PARVA: variants seen among roughly 807,000 people sequenced by gnomAD.
The protein encoded by PARVA is parvin alpha, also known as alpha-parvin.
PARVA carries 25 observed loss-of-function variants against 52.6 expected under a neutral mutation model. That is an observed-to-expected ratio of 0.48 (90% CI 0.35 to 0.66). The LOEUF (loss-of-function observed/expected upper bound fraction) is 0.66, where lower values mean the gene tolerates loss of function less well. PARVA is among the 30% of genes least tolerant of loss of function. The probability of loss-of-function intolerance (pLI) is 0.01; values close to 1 mark genes in which losing one functional copy is unlikely to be tolerated. For synonymous variants in PARVA, 185 were observed against 179.1 expected (o/e 1.03, Z -0.26); for missense variants, 373 against 450.9 (o/e 0.83, Z 1.56).
At chr11:12,502,024 T>C (rs1941369224) in intron 5 of PARVA, among the ~76,000 whole-genome samples, 1 of 152,188 alleles carries the variant, frequency 6.6e-6, no homozygotes, top group Non-Finnish European at 1.5e-5. Context: ...AACCTGGATT[T>C]GCCTCTGATG....
chr11:12,427,168 ATATAAT>A (rs1024556378), intron 1 of PARVA, among the ~76,000 whole-genome samples: 2 of 152,228 alleles, frequency 1.3e-5, no homozygotes, highest in Admixed American at 6.5e-5. Context: ...GAGAAAGGAA[ATATAAT>A]TATTATAAAA....
rs2135009844 is a variant in PARVA at position 12,446,709 on chromosome 11, C to T, written c.137-27036C>T. On this transcript the variant is annotated intron_variant, in intron 1 of 12. Transcript: ENST00000334956. ...ACAATAATATAGCAGTAATGATTGT[C>T]ATCATGTGAAAGCTAGCCTTGTCCA... Among the ~76,000 whole-genome samples the T allele has an allele frequency of 1.3e-5, 2 of 152,288 alleles. 1 individual carries two copies. The highest frequency in any genetic ancestry group is 4.1e-4 in the South Asian group (2 of 4,824).
intron 3 of PARVA, among the ~76,000 whole-genome samples, chr11:12,475,923 A>C (rs1349197266): frequency 6.6e-6 from 1 of 152,148 alleles, no homozygotes; most frequent in Non-Finnish European, 1.5e-5. Flanking sequence ...CAGGAAGAAG[A>C]TGGAACAGTT....
At chr11:12,414,460 T>C (rs1396730751) in intron 1 of PARVA, among the ~76,000 whole-genome samples, 2 of 152,244 alleles carry the variant, frequency 1.3e-5, no homozygotes, top group Non-Finnish European at 2.9e-5. Flanking sequence ...CTTTCATCTT[T>C]CAGCGCTGCT....
intron 1 of PARVA, among the ~76,000 whole-genome samples, chr11:12,465,878 A>G (rs1289457312): frequency 6.6e-6 from 1 of 152,226 alleles, no homozygotes; most frequent in Admixed American, 6.5e-5. Flanking sequence ...AATACCTAGG[A>G]GCTTGACTGC....
chr11:12,480,711 C>G (rs1332240758), intron 4 of PARVA: 1 of 149,436 alleles, frequency 6.7e-6, no homozygotes, highest in Non-Finnish European at 1.5e-5. Flanking sequence ...CTTTTGTGAA[C>G]TTAAGTTTAG....
rs192631977 is a variant in PARVA, at chr11:12,394,727, G to C, written c.136+16944G>C. Among the ~76,000 whole-genome samples the C allele has an allele frequency of 5.3e-3, 810 of 152,228 alleles. 9 individuals are homozygous for C. The highest frequency in any genetic ancestry group is 0.014 in the Middle Eastern group (4 of 294). ...TGTATACACAAGAGATTGGTCCCAG[G>C]ACCCCTGTGTATACCCAGATCCGAG... On this transcript the variant is annotated intron_variant, in intron 1 of 12. Coordinates refer to ENST00000334956, the MANE Select transcript of PARVA (RefSeq NM_018222.5).
At chr11:12,433,864 C>T (rs1386781693) in intron 1 of PARVA, among the ~76,000 whole-genome samples, 2 of 152,180 alleles carry the variant, frequency 1.3e-5, no homozygotes, top group Non-Finnish European at 2.9e-5. Context: ...GTTGCAAGTA[C>T]CGTGCCTCCT....
chr11:12,378,302 G>A (rs1356810379), intron 1 of PARVA, among the ~76,000 whole-genome samples: 4 of 152,208 alleles, frequency 2.6e-5, no homozygotes, highest in Admixed American at 2.6e-4. Context: ...CGGCGTCGTG[G>A]CTTTGGCCTC....
intron 1 of PARVA, among the ~76,000 whole-genome samples, chr11:12,443,362 G>T (rs1192074246): frequency 6.6e-6 from 1 of 150,412 alleles, no homozygotes; most frequent in Admixed American, 6.6e-5. Flanking sequence ...AGTAGAGACG[G>T]GGTTTCACCA....
chr11:12,513,005 A>G, intron 8 of PARVA: 1 of 554,972 alleles, frequency 1.8e-6, no homozygotes, highest in Admixed American at 2.5e-5. Context: ...ATAATGGAAT[A>G]CAATGAAGGG....
intron 1 of PARVA, among the ~76,000 whole-genome samples, chr11:12,385,231 A>G (rs541519542): frequency 5.9e-5 from 9 of 152,172 alleles, no homozygotes; most frequent in Non-Finnish European, 1.2e-4. Context: ...CAGGAGGCTG[A>G]CATGGAAGGA....
At position 12,529,492 on chromosome 11, in the gene PARVA, G is replaced by A. The variant is rs1301123013; in HGVS notation, c.*1567G>A. On this transcript the variant is annotated 3_prime_UTR_variant, in exon 13 of 13. Transcript: ENST00000334956. Reference sequence around the variant, plus strand: ...TGTGCTGATATTACATCTCGTTATGGAATGTTCCTAAATATGCCAGGTAGA... The same window carrying A: ...TGTGCTGATATTACATCTCGTTATGAAATGTTCCTAAATATGCCAGGTAGA... The A allele has an allele frequency of 1.3e-5, 2 of 152,120 alleles. No individual in the cohort carries two copies. The highest frequency in any genetic ancestry group is 2.9e-5 in the Non-Finnish European group (2 of 68,034). 9.4% of individuals were successfully genotyped at this position (152,120 alleles called of 1,614,324 possible).
At chr11:12,475,133 A>ACTACC (rs1940992083) in intron 3 of PARVA, among the ~76,000 whole-genome samples, 1 of 152,154 alleles carries the variant, frequency 6.6e-6, no homozygotes, top group African/African-American at 2.4e-5. Context: ...GAGATCAGCC[A>ACTACC]CTACCCAGCA....
chr11:12,481,446 C>CATTT (rs1941085250), intron 4 of PARVA, among the ~76,000 whole-genome samples: 1 of 151,224 alleles, frequency 6.6e-6, no homozygotes, highest in Non-Finnish European at 1.5e-5. Context: ...TTTTTCTGAG[C>CATTT]ATTTCCTTTG....
In PARVA at chr11:12,531,179, C is replaced by T. The variant is rs980022850; in HGVS notation, c.*3254C>T. On this transcript the variant is annotated 3_prime_UTR_variant, in exon 13 of 13. Coordinates refer to ENST00000334956, the MANE Select transcript of PARVA (RefSeq NM_018222.5). ...AGTGCTCGCCTGCTATATTAGAAGG[C>T]TCCAGTTTCACATGTGCAGGCACAG... Among the ~76,000 whole-genome samples the T allele has an allele frequency of 6.6e-6, 1 of 152,212 alleles. No individual in the cohort carries two copies. The highest frequency in any genetic ancestry group is 1.5e-5 in the Non-Finnish European group (1 of 68,044).
chr11:12,377,061 G>GGATAGGTTCAGGAGT (rs1161859509), upstream of PARVA: 3 of 155,576 alleles, frequency 1.9e-5, no homozygotes, highest in African/African-American at 7.2e-5. Context: ...TGACGGTCAT[G>GGATAGGTTCAGGAGT]GATAGGTTCA....
chr11:12,532,145 G>T lies in PARVA; in HGVS notation c.*4220G>T, dbSNP rs993127417. 3.3e-5 allele frequency among the ~76,000 whole-genome samples: 5 copies of T among 152,138 alleles called. No homozygotes were observed. Among genetic ancestry groups the T allele is most frequent in the African/African-American group, 4.8e-5 (2 of 41,432 alleles). ...TGACAACAGCAATGCAGCCATGAGGGTGCTGCCCCCAAACCAAGCCTGATG... is the reference window on the plus strand; with the variant it reads ...TGACAACAGCAATGCAGCCATGAGGTTGCTGCCCCCAAACCAAGCCTGATG... On this transcript the variant is annotated 3_prime_UTR_variant, in exon 13 of 13. Transcript: ENST00000334956.
chr11:12,497,020 C>T (rs1309407312), intron 5 of PARVA, among the ~76,000 whole-genome samples: 11 of 152,200 alleles, frequency 7.2e-5, no homozygotes, highest in East Asian at 3.9e-4. Flanking sequence ...TTCCAAAGCC[C>T]GCGCCCTTCC....
Sources: gnomAD v4.1 joint callset for allele counts (sites outside exome capture counted in the v4.1 genomes callset) on GRCh38, gnomAD v4.1.1 for gene constraint, MANE v1.5 for transcripts, NCBI Gene and HGNC (gene_info 2026-07-23, HGNC 2026-07-21) for gene names.